Variants in CHCHD6 observed in about 807,000 individuals in gnomAD.
CHCHD6 encodes MICOS complex subunit MIC25.
CHCHD6 carries 28 observed loss-of-function variants against 32.3 expected under a neutral mutation model. The observed-to-expected ratio is 0.87, with a 90% CI of 0.64 to 1.19. The LOEUF is 1.19. CHCHD6 is among the 50% of genes most tolerant of loss of function. The probability of loss-of-function intolerance (pLI) is 0.00; values close to 1 mark genes in which losing one functional copy is unlikely to be tolerated. For synonymous variants in CHCHD6, 122 were observed against 117.5 expected (o/e 1.04, Z -0.25); for missense variants, 333 against 307.0 (o/e 1.08, Z -0.63).
intron 4 of CHCHD6, among the ~76,000 whole-genome samples, chr3:126,768,922 A>G (rs2107675950): frequency 6.6e-6 from 1 of 152,282 alleles, no homozygotes; most frequent in South Asian, 2.1e-4. Flanking sequence ...AGTTTCTTGT[A>G]GATTCTAGGT....
At chr3:126,832,410 G>A (rs1297159886) in intron 4 of CHCHD6, among the ~76,000 whole-genome samples, 1 of 152,132 alleles carries the variant, frequency 6.6e-6, no homozygotes, top group African/African-American at 2.4e-5. Flanking sequence ...CAGGCTTGGT[G>A]GGCGCCGTCT....
At chr3:126,891,166 C>T (rs139961452) in intron 5 of CHCHD6, among the ~76,000 whole-genome samples, 2 of 152,246 alleles carry the variant, frequency 1.3e-5, no homozygotes, top group African/African-American at 2.4e-5. Flanking sequence ...TATCAGGTGC[C>T]GGTGGGGTGC....
At chr3:126,868,104 G>T (rs2107565619) in intron 5 of CHCHD6, among the ~76,000 whole-genome samples, 1 of 152,336 alleles carries the variant, frequency 6.6e-6, no homozygotes, top group South Asian at 2.1e-4. Context: ...AGCCTTTTCT[G>T]ACCACTTCCC....
intron 5 of CHCHD6, among the ~76,000 whole-genome samples, chr3:126,867,422 C>T (rs1942324728): frequency 6.6e-6 from 1 of 152,190 alleles, no homozygotes; most frequent in Non-Finnish European, 1.5e-5. Flanking sequence ...CATATTAAGC[C>T]AGCTAAATAG....
chr3:126,902,641 T>C (rs9862025), intron 5 of CHCHD6, among the ~76,000 whole-genome samples: 64,047 of 148,204 alleles, frequency 0.43, 14,930 homozygotes, highest in African/African-American at 0.63. Context: ...GGCGTGAACC[T>C]GGGAGGCAGA....
intron 4 of CHCHD6, among the ~76,000 whole-genome samples, chr3:126,742,952 C>T (rs1936341944): frequency 6.6e-6 from 1 of 152,082 alleles, no homozygotes; most frequent in South Asian, 2.1e-4. Flanking sequence ...AGGTGGTGGT[C>T]ACCCTGGTAG....
intron 6 of CHCHD6, chr3:126,952,894 C>T (rs1286830790): frequency 8.1e-6 from 7 of 862,742 alleles, no homozygotes; most frequent in Non-Finnish European, 9.7e-6. Context: ...TCAGGCAGAC[C>T]TATGCGGCCT....
chr3:126,850,528 A>G (rs956532064), intron 4 of CHCHD6, among the ~76,000 whole-genome samples: 1 of 152,130 alleles, frequency 6.6e-6, no homozygotes, highest in African/African-American at 2.4e-5. Context: ...CCTGGTAGCC[A>G]CGGCCCAGAG....
intron 5 of CHCHD6, among the ~76,000 whole-genome samples, chr3:126,877,741 A>G (rs1226868963): frequency 6.6e-6 from 1 of 152,206 alleles, no homozygotes; most frequent in Admixed American, 6.5e-5. Flanking sequence ...TGAAATCTGA[A>G]TAAGATTGGT....
intron 7 of CHCHD6, among the ~76,000 whole-genome samples, chr3:126,958,763 A>C (rs2078821800): frequency 6.6e-6 from 1 of 152,190 alleles, no homozygotes; most frequent in Non-Finnish European, 1.5e-5. Flanking sequence ...CTCCTCCTCC[A>C]TCTCAGAGGA....
intron 6 of CHCHD6, chr3:126,952,978 T>TG: frequency 1.0e-6 from 1 of 985,400 alleles, no homozygotes; most frequent in Non-Finnish European, 1.2e-6. Flanking sequence ...AGGCTGGATG[T>TG]GGGGTCTTCT....
At chr3:126,805,989 G>A (rs1287308350) in intron 4 of CHCHD6, among the ~76,000 whole-genome samples, 2 of 152,188 alleles carry the variant, frequency 1.3e-5, no homozygotes, top group Admixed American at 6.5e-5. Flanking sequence ...GGGAAAACTG[G>A]CTAGCCATAT....
At chr3:126,803,244 G>A (rs139571558) in intron 4 of CHCHD6, among the ~76,000 whole-genome samples, 4,267 of 152,206 alleles carry the variant, frequency 0.028, 136 homozygotes, top group East Asian at 0.14. Flanking sequence ...TGGGCTAAAT[G>A]TTCCAATTAA....
intron 6 of CHCHD6, among the ~76,000 whole-genome samples, chr3:126,920,443 C>T (rs2078231261): frequency 6.6e-6 from 1 of 151,976 alleles, no homozygotes; most frequent in South Asian, 2.1e-4. Context: ...CCCAGAGATG[C>T]CTAGGGATGT....
At chr3:126,804,482 C>G (rs981430105) in intron 4 of CHCHD6, among the ~76,000 whole-genome samples, 3 of 152,260 alleles carry the variant, frequency 2.0e-5, no homozygotes, top group South Asian at 2.1e-4. Flanking sequence ...ATAAATTCCT[C>G]GACACATACA....
intron 4 of CHCHD6, among the ~76,000 whole-genome samples, chr3:126,825,558 A>G (rs1040309322): frequency 3.3e-5 from 5 of 152,204 alleles, no homozygotes; most frequent in Non-Finnish European, 5.9e-5. Context: ...TTTACTTTAA[A>G]TAATAAATAT....
chr3:126,801,056 T>C (rs980195988), intron 4 of CHCHD6, among the ~76,000 whole-genome samples: 1 of 152,152 alleles, frequency 6.6e-6, no homozygotes, highest in African/African-American at 2.4e-5. Context: ...TAAAAACCGA[T>C]ATAAATGTGA....
At chr3:126,935,730 G>A (rs1233242223) in intron 6 of CHCHD6, among the ~76,000 whole-genome samples, 4 of 152,212 alleles carry the variant, frequency 2.6e-5, no homozygotes, top group Non-Finnish European at 5.9e-5. Flanking sequence ...CGCAGTAAAA[G>A]TGAGTAATGA....
At chr3:126,714,636 G>T (rs543114070) in intron 1 of CHCHD6, among the ~76,000 whole-genome samples, 1 of 152,120 alleles carries the variant, frequency 6.6e-6, no homozygotes, top group African/African-American at 2.4e-5. Flanking sequence ...GGCCACATCG[G>T]CACTGTCCTG....
Sources: gnomAD v4.1 joint callset for allele counts (sites outside exome capture counted in the v4.1 genomes callset) on GRCh38, gnomAD v4.1.1 for gene constraint, MANE v1.5 for transcripts, NCBI Gene and HGNC (gene_info 2026-07-23, HGNC 2026-07-21) for gene names.